Variants in APBB2 observed in about 807,000 individuals in gnomAD.
The protein encoded by APBB2 is Fe65-like 1.
APBB2 carries 38 observed loss-of-function variants against 82.5 expected under a neutral mutation model. That is an observed-to-expected ratio of 0.46 (90% CI 0.36 to 0.60). APBB2 has a LOEUF of 0.60. Among genes scored for constraint, APBB2 ranks in the 20% least tolerant of loss-of-function variants. The pLI, the probability that APBB2 is intolerant of heterozygous loss-of-function variation, is 0.00. For synonymous variants in APBB2, 341 were observed against 368.2 expected (o/e 0.93, Z 0.85); for missense variants, 772 against 972.3 (o/e 0.79, Z 2.74).
intron 3 of APBB2, among the ~76,000 whole-genome samples, chr4:41,086,004 C>T (rs753327648): frequency 3.3e-5 from 5 of 152,008 alleles, no homozygotes; most frequent in Non-Finnish European, 5.9e-5. Flanking sequence ...AAAAAGGGGA[C>T]ATTACCACTG....
chr4:41,206,838 A>G (rs186337231), intron 1 of APBB2, among the ~76,000 whole-genome samples: 15 of 152,312 alleles, frequency 9.8e-5, no homozygotes, highest in Admixed American at 2.0e-4. Context: ...ACTCTTGCCC[A>G]GGACAGAAGT....
intron 17 of APBB2, among the ~76,000 whole-genome samples, chr4:40,819,197 T>C (rs1432989363): frequency 7.3e-6 from 1 of 136,766 alleles, no homozygotes; most frequent in Non-Finnish European, 1.6e-5. Context: ...TTCTTTTTTT[T>C]TTTTTTGAGA....
At chr4:41,073,161 T>C (rs181032853) in intron 3 of APBB2, among the ~76,000 whole-genome samples, 1 of 152,320 alleles carries the variant, frequency 6.6e-6, no homozygotes, top group African/African-American at 2.4e-5. Context: ...TTTTTCCCAA[T>C]TATTTCCACA....
chr4:41,150,182 T>C (rs1240844514), intron 1 of APBB2, among the ~76,000 whole-genome samples: 1 of 152,222 alleles, frequency 6.6e-6, no homozygotes, highest in Non-Finnish European at 1.5e-5. Flanking sequence ...AATATTTTTA[T>C]TATAATAATG....
intron 6 of APBB2, among the ~76,000 whole-genome samples, chr4:40,973,379 T>C (rs1231615036): frequency 1.3e-5 from 2 of 152,210 alleles, no homozygotes; most frequent in Non-Finnish European, 2.9e-5. Flanking sequence ...TTCTCTTGAC[T>C]TAGCCCTTCA....
chr4:41,096,799 T>C (rs977184195), intron 3 of APBB2, among the ~76,000 whole-genome samples: 3 of 152,228 alleles, frequency 2.0e-5, no homozygotes, highest in Non-Finnish European at 2.9e-5. Context: ...GAATATAACG[T>C]CCATTCCACT....
chr4:40,973,227 T>C (rs1796378135), intron 6 of APBB2, among the ~76,000 whole-genome samples: 1 of 152,168 alleles, frequency 6.6e-6, no homozygotes, highest in South Asian at 2.1e-4. Context: ...GCTCAGCAAG[T>C]GATCAGAGAG....
In APBB2 at chr4:40,832,008, T is replaced by TTACATA. The variant is rs1553930074; in HGVS notation, c.1530-1432_1530-1431insTATGTA. Among the ~76,000 whole-genome samples, 2 of 73,566 alleles carry TTACATA rather than the reference T, an allele frequency of 2.7e-5. No homozygotes were observed. The highest frequency in any genetic ancestry group is 7.9e-5 in the African/African-American group (2 of 25,428). 48.3% of individuals were successfully genotyped at this position (73,566 alleles called of 152,430 possible). A position where few individuals can be genotyped will look rare whatever the true frequency, so the allele number is the denominator to read the frequency against. On this transcript the variant is annotated intron_variant, in intron 12 of 17. Coordinates refer to ENST00000508593, the MANE Select transcript of APBB2 (RefSeq NM_004307.2). This position sits in a 1 kb window ranked among gnomAD's most constrained non-coding sequence, Gnocchi z 4.8. ...CACACACACATATTTATATATTTAT[T>TTACATA]TATATACACACACACACACACACAC...
chr4:41,175,306 T>C (rs1769444276), intron 1 of APBB2, among the ~76,000 whole-genome samples: 1 of 152,220 alleles, frequency 6.6e-6, no homozygotes, highest in Non-Finnish European at 1.5e-5. Flanking sequence ...TCTTTGTGAA[T>C]TGCCAAGACA....
Position 40,863,620 on chromosome 4 carries a change from C to T in APBB2, c.1529+26744G>A, listed in dbSNP as rs370194544. Among the ~76,000 whole-genome samples the T allele has an allele frequency of 3.0e-4, 46 of 151,718 alleles. No individual in the cohort carries two copies. The East Asian group carries it at 7.8e-3, about 26-fold the overall frequency. On this transcript the variant is annotated intron_variant, in intron 12 of 17. Transcript: ENST00000508593. ...CAATGAAAGCCAGGGAGGCCAGGTG[C>T]GGTGGCTCACACCTGTAATCCCAGC...
chr4:41,168,887 G>T (rs1266097854), intron 1 of APBB2, among the ~76,000 whole-genome samples: 1 of 152,140 alleles, frequency 6.6e-6, no homozygotes, highest in Non-Finnish European at 1.5e-5. Flanking sequence ...GGAAAGGTAA[G>T]GAAGAGGACA....
intron 10 of APBB2, among the ~76,000 whole-genome samples, chr4:40,897,223 G>C (rs1773912963): frequency 7.0e-6 from 1 of 142,562 alleles, no homozygotes. Context: ...GTTTTTGCCG[G>C]GTGGGCAAAC....
chr4:41,052,773 CTTT>C (rs72004025), intron 4 of APBB2, among the ~76,000 whole-genome samples: 1 of 121,986 alleles, frequency 8.2e-6, no homozygotes. Flanking sequence ...TTTCTTTCTT[CTTT>C]TTTTTTTTTT....
intron 13 of APBB2, among the ~76,000 whole-genome samples, chr4:40,829,877 G>T (rs1751282009): frequency 6.6e-6 from 1 of 152,202 alleles, no homozygotes; most frequent in South Asian, 2.1e-4. Flanking sequence ...TGTGTCCTCA[G>T]GAAGTTGGTG....
In APBB2 at chr4:40,963,539, C is replaced by T. The variant is rs150630410; in HGVS notation, c.836-18466G>A. Among the ~76,000 whole-genome samples, 1,407 of 152,340 alleles carry T rather than the reference C, an allele frequency of 9.2e-3. 26 individuals are homozygous for T. Among genetic ancestry groups the T allele is most frequent in the African/African-American group, 0.032 (1,326 of 41,568 alleles). ...CTGGGATTACAGGCATGGGCCACCG[C>T]GCCCAGCCTCTATTACTTTTTCTAT... On this transcript the variant is annotated intron_variant, in intron 6 of 17. Transcript: ENST00000508593.
At chr4:40,951,337 T>C (rs1448994997) in intron 6 of APBB2, among the ~76,000 whole-genome samples, 1 of 152,252 alleles carries the variant, frequency 6.6e-6, no homozygotes, top group Non-Finnish European at 1.5e-5. Flanking sequence ...AAAGTTTCAG[T>C]TGTTTCTTAA....
At chr4:41,108,316 C>T (rs1044467682) in intron 2 of APBB2, among the ~76,000 whole-genome samples, 9 of 152,000 alleles carry the variant, frequency 5.9e-5, no homozygotes, top group Admixed American at 2.6e-4. Flanking sequence ...AAGAAACTGA[C>T]GCACATAGGA....
At chr4:40,913,869 T>G (rs1779179582) in intron 10 of APBB2, among the ~76,000 whole-genome samples, 1 of 151,908 alleles carries the variant, frequency 6.6e-6, no homozygotes, top group African/African-American at 2.4e-5. Context: ...AATACTTATG[T>G]TAGGTAAGTC....
chr4:41,107,792 A>G (rs1017294789), intron 2 of APBB2, among the ~76,000 whole-genome samples: 1 of 152,212 alleles, frequency 6.6e-6, no homozygotes, highest in African/African-American at 2.4e-5. Context: ...CATTCTACAA[A>G]ACAAAGGTAT....
Sources: allele counts gnomAD v4.1 joint callset (sites outside exome capture counted in the v4.1 genomes callset), GRCh38; gene constraint gnomAD v4.1.1; non-coding constraint Gnocchi (gnomAD v3.1); transcripts MANE v1.5; gene names NCBI Gene and HGNC (gene_info 2026-07-23, HGNC 2026-07-21).